GSK3B: variants seen among roughly 807,000 people sequenced by gnomAD.
The protein encoded by GSK3B is glycogen synthase kinase-3 beta.
In GSK3B, 15 loss-of-function variants were observed where a neutral mutation model predicts 56.4. The ratio of observed to expected loss-of-function variants is 0.27; its 90% CI spans 0.18 to 0.41. The LOEUF is 0.41. Ranked by LOEUF, GSK3B falls within the 10% of genes least tolerant of loss-of-function variation. The pLI is 1.00. For missense variants in GSK3B, 300 were observed against 513.4 expected (o/e 0.58, Z 4.02); for synonymous variants, 181 against 188.9 (o/e 0.96, Z 0.34).
chr3:119,909,757 T>C (rs1240773443), intron 6 of GSK3B, among the ~76,000 whole-genome samples: 6 of 152,320 alleles, frequency 3.9e-5, no homozygotes, highest in Non-Finnish European at 7.3e-5. Flanking sequence ...ATTCAGTTCC[T>C]CCTATCACTA....
chr3:120,012,044 G>A (rs548577281), intron 1 of GSK3B, among the ~76,000 whole-genome samples: 14 of 152,110 alleles, frequency 9.2e-5, no homozygotes, highest in Non-Finnish European at 1.3e-4. Context: ...AGAGTAATAG[G>A]AAGTAAGAGA....
intron 1 of GSK3B, among the ~76,000 whole-genome samples, chr3:120,056,425 C>T (rs999530300): frequency 6.6e-6 from 1 of 152,188 alleles, no homozygotes; most frequent in African/African-American, 2.4e-5. Context: ...CTGCAACCTC[C>T]ACCTTCCAGG....
chr3:120,048,770 G>A (rs1261625258), intron 1 of GSK3B, among the ~76,000 whole-genome samples: 3 of 152,168 alleles, frequency 2.0e-5, no homozygotes, highest in Admixed American at 2.0e-4. Flanking sequence ...AATGTCATTG[G>A]TAACACTCCA....
chr3:119,854,453 TC>T (rs1559809119), intron 9 of GSK3B, among the ~76,000 whole-genome samples: 1 of 152,210 alleles, frequency 6.6e-6, no homozygotes, highest in South Asian at 2.1e-4. Context: ...TAGGGAGAAT[TC>T]CCTCTTTTTC....
At chr3:119,863,666 C>A (rs2056139357) in intron 8 of GSK3B, 61 bp from the exon 9 acceptor site, 2 of 1,022,068 alleles carry the variant, frequency 2.0e-6, no homozygotes, top group Non-Finnish European at 1.5e-6. Context: ...TAAGCAAATA[C>A]CCTGTGAATA....
intron 7 of GSK3B, among the ~76,000 whole-genome samples, chr3:119,877,403 T>C (rs556809497): frequency 6.6e-6 from 1 of 152,336 alleles, no homozygotes; most frequent in Admixed American, 6.5e-5. Context: ...CTTTAGGTTA[T>C]TATAATACTT....
intron 7 of GSK3B, 113 bp from the exon 8 acceptor site, chr3:119,876,621 C>G: frequency 1.5e-6 from 1 of 659,316 alleles, no homozygotes; most frequent in Non-Finnish European, 2.7e-6. Context: ...AAATAAAATA[C>G]GTAACTCATT....
chr3:119,951,310 G>A (rs1333828637), intron 2 of GSK3B, among the ~76,000 whole-genome samples: 1 of 152,202 alleles, frequency 6.6e-6, no homozygotes, highest in Non-Finnish European at 1.5e-5. Flanking sequence ...AGTGGCTCAC[G>A]CCTGTAATCC....
chr3:119,923,292 T>C, intron 4 of GSK3B, 81 bp downstream of exon 4: 4 of 697,654 alleles, frequency 5.7e-6, no homozygotes, highest in Non-Finnish European at 7.5e-6. Context: ...AATACAATAA[T>C]ATAGTTAAAA....
chr3:120,028,906 A>AG lies in GSK3B; in HGVS notation c.89-26668dup, dbSNP rs1559882831. 5 of 527,446 alleles carry AG rather than the reference A, an allele frequency of 9.5e-6. No homozygotes were observed. In the African/African-American group the frequency reaches 9.6e-5, roughly 10 times the overall value. 32.7% of individuals were successfully genotyped at this position (527,446 alleles called of 1,614,324 possible). A position where few individuals can be genotyped will look rare whatever the true frequency, so the allele number is the denominator to read the frequency against. On this transcript the variant is annotated intron_variant, in intron 1 of 10. Coordinates refer to ENST00000264235, the MANE Select transcript of GSK3B (RefSeq NM_001146156.2). ...AAAATGTGGATTCAGAAAAGCACCCAGGAAGGCTGAACCTCAAAGATCAGA... is the reference window on the plus strand; with the variant it reads ...AAAATGTGGATTCAGAAAAGCACCCAGGGAAGGCTGAACCTCAAAGATCAGA...
At chr3:119,956,238 G>A (rs1187143006) in intron 2 of GSK3B, among the ~76,000 whole-genome samples, 1 of 152,132 alleles carries the variant, frequency 6.6e-6, no homozygotes, top group African/African-American at 2.4e-5. Flanking sequence ...AGTTCAATTT[G>A]GGACACATTC....
intron 10 of GSK3B, among the ~76,000 whole-genome samples, chr3:119,835,163 C>T (rs540201567): frequency 2.0e-5 from 3 of 152,322 alleles, no homozygotes; most frequent in African/African-American, 7.2e-5. Flanking sequence ...TGCACACATG[C>T]ACACTGTACT....
chr3:119,877,176 A>G (rs1428156569), intron 7 of GSK3B, among the ~76,000 whole-genome samples: 1 of 152,154 alleles, frequency 6.6e-6, no homozygotes, highest in African/African-American at 2.4e-5. Context: ...AAAATCAGAT[A>G]TCTTTATCTA....
chr3:119,945,776 C>CT (rs999996313), intron 3 of GSK3B, among the ~76,000 whole-genome samples: 1 of 151,742 alleles, frequency 6.6e-6, no homozygotes, highest in African/African-American at 2.4e-5. Context: ...GGGAGGAGGC[C>CT]TTTTTTCAAA....
intron 2 of GSK3B, among the ~76,000 whole-genome samples, chr3:119,998,895 T>C (rs2057649823): frequency 6.6e-6 from 1 of 152,124 alleles, no homozygotes; most frequent in African/African-American, 2.4e-5. Context: ...ACACAGGAAA[T>C]GGGCATTACT....
intron 1 of GSK3B, among the ~76,000 whole-genome samples, chr3:120,040,053 G>A (rs1223986396): frequency 2.6e-5 from 4 of 152,194 alleles, no homozygotes; most frequent in Admixed American, 6.5e-5. Flanking sequence ...GAAACAGGCC[G>A]GCAGCTCGGG....
chr3:119,867,477 C>T (rs981406359), intron 8 of GSK3B, among the ~76,000 whole-genome samples: 1 of 152,126 alleles, frequency 6.6e-6, no homozygotes, highest in Non-Finnish European at 1.5e-5. Flanking sequence ...AAAAATAAAT[C>T]CTACATCTTC....
At chr3:119,932,111 T>C (rs2107475303) in intron 3 of GSK3B, among the ~76,000 whole-genome samples, 1 of 152,302 alleles carries the variant, frequency 6.6e-6, no homozygotes, top group African/African-American at 2.4e-5. Flanking sequence ...GTCAAGGAAA[T>C]AAAATGACTT....
At chr3:119,856,808 A>T (rs1163568171) in intron 9 of GSK3B, among the ~76,000 whole-genome samples, 1 of 152,228 alleles carries the variant, frequency 6.6e-6, no homozygotes, top group Non-Finnish European at 1.5e-5. Context: ...ATGTAAATTT[A>T]TCATGGCTAT....
Sources: gnomAD v4.1 joint callset for allele counts (sites outside exome capture counted in the v4.1 genomes callset) on GRCh38, gnomAD v4.1.1 for gene constraint, MANE v1.5 for transcripts, NCBI Gene and HGNC (gene_info 2026-07-23, HGNC 2026-07-21) for gene names.